The following TMPRSS15 variants were observed in gnomAD, a reference collection of about 807,000 sequenced individuals.
The protein encoded by TMPRSS15 is transmembrane serine protease 15.
Under a neutral mutation model 125.3 loss-of-function variants are expected in TMPRSS15, and 128 were observed. The ratio of observed to expected loss-of-function variants is 1.02; its 90% CI spans 0.89 to 1.18. TMPRSS15 has a LOEUF of 1.18. TMPRSS15 is among the 50% of genes most tolerant of loss of function. The probability of loss-of-function intolerance (pLI) is 0.00; values close to 1 mark genes in which losing one functional copy is unlikely to be tolerated. For missense variants in TMPRSS15, 1,283 were observed against 1,212.7 expected (o/e 1.06, Z -0.86); for synonymous variants, 446 against 423.2 (o/e 1.05, Z -0.66).
chr21:18,294,020 T>C (rs2146898301), intron 21 of TMPRSS15, among the ~76,000 whole-genome samples: 1 of 152,332 alleles, frequency 6.6e-6, no homozygotes, highest in African/African-American at 2.4e-5. Flanking sequence ...TGTAAAAGTG[T>C]AAAAAGATCT....
At chr21:18,314,959 T>C (rs574089510) in intron 17 of TMPRSS15, among the ~76,000 whole-genome samples, 187 bp downstream of exon 17, 1 of 152,266 alleles carries the variant, frequency 6.6e-6, no homozygotes, top group African/African-American at 2.4e-5. Flanking sequence ...AACTGAGGCC[T>C]GCGTATTAAC....
chr21:18,430,722 C>T (rs1018407335), intron 1 of TMPRSS15, among the ~76,000 whole-genome samples: 2 of 152,080 alleles, frequency 1.3e-5, no homozygotes, highest in Admixed American at 6.5e-5. Context: ...TTTCCGGATA[C>T]AAGTAATCAT....
chr21:18,280,582 A>AACAAACAAAC (rs1200964713), intron 22 of TMPRSS15, among the ~76,000 whole-genome samples: 1 of 138,600 alleles, frequency 7.2e-6, no homozygotes, highest in African/African-American at 3.3e-5. Flanking sequence ...TCTCAAAAAA[A>AACAAACAAAC]AAAAAAAAAA....
intron 1 of TMPRSS15, among the ~76,000 whole-genome samples, chr21:18,442,238 A>T (rs1322739875): frequency 6.6e-6 from 1 of 152,078 alleles, no homozygotes; most frequent in African/African-American, 2.4e-5. Context: ...TGCTCTCTCC[A>T]TCAGATATGG....
rs115682589 is a variant in TMPRSS15 at position 18,376,898 on chromosome 21, C to T, written c.532+2385G>A. Among the ~76,000 whole-genome samples the T allele has an allele frequency of 2.6e-3, 391 of 152,206 alleles. 3 individuals are homozygous for T. The highest frequency in any genetic ancestry group is 8.5e-3 in the African/African-American group (353 of 41,526). ...AAATTCTCTTTGGCAGAATTTATAA[C>T]GGCACTAATATCAGGTATATGATGC... On this transcript the variant is annotated intron_variant, in intron 5 of 24. Transcript: ENST00000284885.
chr21:18,389,275 A>G (rs1208568926), intron 3 of TMPRSS15, among the ~76,000 whole-genome samples: 5 of 151,734 alleles, frequency 3.3e-5, no homozygotes, highest in South Asian at 2.1e-4. Context: ...GGAAGGAAGG[A>G]AGGGAGGAAG....
intron 24 of TMPRSS15, among the ~76,000 whole-genome samples, chr21:18,271,267 G>T (rs1037407944): frequency 7.2e-5 from 11 of 152,154 alleles, no homozygotes; most frequent in Non-Finnish European, 1.5e-4. Context: ...TATATTCAAG[G>T]ATCAAAGTAC....
In TMPRSS15 at chr21:18,301,006, CA is replaced by C. The variant is rs1183480308; in HGVS notation, c.2166-3178del. Reference sequence around the variant, plus strand: ...ATCTTATTTTCTGAGATGATCTTTTCAACATTTTTAGTCTCAAATTTAACAT... The same window carrying C: ...ATCTTATTTTCTGAGATGATCTTTTCACATTTTTAGTCTCAAATTTAACAT... On this transcript the variant is annotated intron_variant, in intron 18 of 24. Transcript: ENST00000284885. Among the ~76,000 whole-genome samples, 3 of 152,092 alleles carry C rather than the reference CA, an allele frequency of 2.0e-5. No individual in the cohort carries two copies. The East Asian group carries it at 5.8e-4, about 29-fold the overall frequency.
rs534076088 is a variant in TMPRSS15 at position 18,471,276 on chromosome 21, T to C, written c.10+14523A>G. The stretch of plus-strand genomic sequence containing the variant: ...AATTTCATATCTATGATTTTTTCTA[T>C]CAATAGTATGTATATATGTTGCTAT... On this transcript the variant is annotated intron_variant, in intron 1 of 7. Coordinates refer to the TMPRSS15 transcript ENST00000422787. Among the ~76,000 whole-genome samples, 3 of 152,154 alleles carry C rather than the reference T, an allele frequency of 2.0e-5. No homozygotes were observed. The South Asian group carries it at 6.2e-4, about 31-fold the overall frequency.
At position 18,335,679 on chromosome 21, in the gene TMPRSS15, C is replaced by T. The variant is rs2075384693; in HGVS notation, c.1565-3506G>A. 2.0e-5 allele frequency among the ~76,000 whole-genome samples: 3 copies of T among 152,204 alleles called. No individual in the cohort carries two copies. In the South Asian group the frequency reaches 6.2e-4, roughly 31 times the overall value. Reference sequence around the variant, plus strand: ...CTGGCCTGATAAAATAGATCAGTTACTCTCTGCATATAAATGACTGTAAAG... The same window carrying T: ...CTGGCCTGATAAAATAGATCAGTTATTCTCTGCATATAAATGACTGTAAAG... On this transcript the variant is annotated intron_variant, in intron 13 of 24. Coordinates refer to ENST00000284885, the MANE Select transcript of TMPRSS15 (RefSeq NM_002772.3).
intron 7 of TMPRSS15, among the ~76,000 whole-genome samples, chr21:18,363,469 A>G (rs1335847755): frequency 1.3e-5 from 2 of 152,140 alleles, no homozygotes; most frequent in East Asian, 1.9e-4. Context: ...CTTTATTAAG[A>G]AGTGAACTTA....
chr21:18,365,521 C>G (rs1215006421), intron 6 of TMPRSS15, among the ~76,000 whole-genome samples: 1 of 119,780 alleles, frequency 8.3e-6, no homozygotes, highest in Non-Finnish European at 1.7e-5. Context: ...CCTTCCTTCC[C>G]TCCCTCCCTC....
intron 1 of TMPRSS15, among the ~76,000 whole-genome samples, chr21:18,446,581 G>A (rs558991644): frequency 2.6e-5 from 4 of 152,140 alleles, no homozygotes; most frequent in African/African-American, 9.6e-5. Flanking sequence ...AAATAAGCAT[G>A]GTACTTGCAT....
chr21:18,285,031 G>A (rs2074746483), intron 21 of TMPRSS15, among the ~76,000 whole-genome samples: 1 of 151,864 alleles, frequency 6.6e-6, no homozygotes, highest in African/African-American at 2.4e-5. Context: ...AAAGAAGTTG[G>A]CTGAATTTTT....
chr21:18,442,040 T>G (rs1233933645), intron 1 of TMPRSS15, among the ~76,000 whole-genome samples: 2 of 152,144 alleles, frequency 1.3e-5, no homozygotes, highest in African/African-American at 4.8e-5. Context: ...TGTTCCTTAG[T>G]TTAACGTAAT....
intron 21 of TMPRSS15, among the ~76,000 whole-genome samples, chr21:18,289,707 A>T (rs1278043592): frequency 1.3e-5 from 2 of 152,204 alleles, no homozygotes; most frequent in African/African-American, 4.8e-5. Context: ...TCTTGGCAAG[A>T]GGCTCCCTGT....
chr21:18,375,991 C>G (rs750546468), intron 5 of TMPRSS15, among the ~76,000 whole-genome samples: 10 of 151,960 alleles, frequency 6.6e-5, no homozygotes, highest in Non-Finnish European at 1.2e-4. Flanking sequence ...TTTTATTGTC[C>G]CTACAATTTG....
intron 18 of TMPRSS15, among the ~76,000 whole-genome samples, chr21:18,310,458 A>G (rs2075088589): frequency 6.6e-6 from 1 of 151,834 alleles, no homozygotes. Flanking sequence ...CCCATCTACA[A>G]CAATCACAAA....
intron 1 of TMPRSS15, among the ~76,000 whole-genome samples, chr21:18,463,556 C>A (rs1343506995): frequency 6.6e-6 from 1 of 152,032 alleles, no homozygotes; most frequent in East Asian, 1.9e-4. Context: ...AGAAAATTAA[C>A]AAGGATATTC....
Sources: allele counts gnomAD v4.1 joint callset (sites outside exome capture counted in the v4.1 genomes callset), GRCh38; gene constraint gnomAD v4.1.1; transcripts MANE v1.5; gene names NCBI Gene and HGNC (gene_info 2026-07-23, HGNC 2026-07-21).